The following HTR1F variants were observed in gnomAD, a reference collection of about 807,000 sequenced individuals.
The protein encoded by HTR1F is 5-hydroxytryptamine receptor 1F, also known as 5-hydroxytryptamine (serotonin) receptor 1F, G protein-coupled.
In HTR1F, 17 loss-of-function variants were observed where a neutral mutation model predicts 24.0. That is an observed-to-expected ratio of 0.71 (90% CI 0.48 to 1.06). The LOEUF (loss-of-function observed/expected upper bound fraction) is 1.06. HTR1F is among the 50% of genes least tolerant of loss of function. The pLI is 0.00. For synonymous variants in HTR1F, 186 were observed against 156.8 expected (o/e 1.19, Z -1.39); for missense variants, 391 against 427.8 (o/e 0.91, Z 0.76).
intron 2 of HTR1F, among the ~76,000 whole-genome samples, chr3:87,968,880 CT>C (rs111250671): frequency 5.9e-5 from 9 of 152,318 alleles, no homozygotes; most frequent in African/African-American, 1.2e-4. Context: ...AAGGGCCCCC[CT>C]GTTGTATGCA....
intron 2 of HTR1F, among the ~76,000 whole-genome samples, chr3:87,922,066 T>C (rs1208376524): frequency 6.6e-6 from 1 of 152,060 alleles, no homozygotes; most frequent in Non-Finnish European, 1.5e-5. Context: ...CTGGATCATA[T>C]GGTAGTTCTA....
chr3:87,991,928 C>G lies in HTR1F; in HGVS notation c.*78C>G. 1 of 1,262,832 alleles carries G rather than the reference C, an allele frequency of 7.9e-7. No homozygotes were observed. The highest frequency in any genetic ancestry group is 2.4e-5 in the East Asian group (1 of 41,940). The allele number at this position is 1,262,832 out of a possible 1,614,324, so 78.2% of individuals were successfully genotyped here. A position where few individuals can be genotyped will look rare whatever the true frequency, so the allele number is the denominator to read the frequency against. ...TAGATGAATGCCAAATAATAAAACA[C>G]TTAAGCTTTTAGAGGGAAATACATG... On this transcript the variant is annotated 3_prime_UTR_variant, in exon 3 of 3. Coordinates refer to ENST00000319595, the MANE Select transcript of HTR1F (RefSeq NM_001322209.2).
intron 2 of HTR1F, among the ~76,000 whole-genome samples, chr3:87,823,675 C>T (rs1261876144): frequency 6.6e-6 from 1 of 151,854 alleles, no homozygotes; most frequent in Admixed American, 6.6e-5. Context: ...GCGTGCACCA[C>T]CATGCCCGGC....
At chr3:87,833,605 G>A (rs1421614738) in intron 2 of HTR1F, among the ~76,000 whole-genome samples, 1 of 152,078 alleles carries the variant, frequency 6.6e-6, no homozygotes, top group Non-Finnish European at 1.5e-5. Flanking sequence ...GGGCTCAAGG[G>A]ATCCTGCTGA....
intron 2 of HTR1F, among the ~76,000 whole-genome samples, chr3:87,834,461 C>T (rs1704643523): frequency 6.6e-6 from 1 of 151,604 alleles, no homozygotes; most frequent in South Asian, 2.1e-4. Flanking sequence ...AAGCTATTTC[C>T]CATTAGTCTG....
chr3:87,987,458 C>A (rs1239802108), intron 2 of HTR1F, among the ~76,000 whole-genome samples: 3 of 151,336 alleles, frequency 2.0e-5, no homozygotes, highest in Non-Finnish European at 4.4e-5. Flanking sequence ...ACCATTACAT[C>A]ATAGGTCCTG....
chr3:87,855,523 A>C (rs1275415527), intron 2 of HTR1F, among the ~76,000 whole-genome samples: 1 of 151,996 alleles, frequency 6.6e-6, no homozygotes, highest in Non-Finnish European at 1.5e-5. Context: ...AAAGAGAATG[A>C]ATTTAATTTG....
At chr3:87,911,940 A>G (rs371467094) in intron 2 of HTR1F, among the ~76,000 whole-genome samples, 2 of 152,172 alleles carry the variant, frequency 1.3e-5, no homozygotes, top group East Asian at 3.9e-4. Flanking sequence ...AGCCATCTAT[A>G]ACAAACTGAC....
At chr3:87,914,942 T>C (rs753872240) in intron 2 of HTR1F, among the ~76,000 whole-genome samples, 12 of 152,044 alleles carry the variant, frequency 7.9e-5, no homozygotes, top group Non-Finnish European at 1.6e-4. Context: ...AGAGTCTATT[T>C]CACCCCCCTA....
intron 2 of HTR1F, among the ~76,000 whole-genome samples, chr3:87,931,394 C>T (rs1395119801): frequency 6.6e-6 from 1 of 152,152 alleles, no homozygotes; most frequent in African/African-American, 2.4e-5. Context: ...TTTCTTATGG[C>T]TGCATAGTAT....
At chr3:87,900,460 T>C (rs1706296554) in intron 2 of HTR1F, among the ~76,000 whole-genome samples, 2 of 152,120 alleles carry the variant, frequency 1.3e-5, no homozygotes, top group Non-Finnish European at 2.9e-5. Flanking sequence ...TTAAATAAGA[T>C]GGTAAGTAAT....
chr3:87,812,268 T>A (rs1704173535), intron 1 of HTR1F, among the ~76,000 whole-genome samples: 1 of 152,170 alleles, frequency 6.6e-6, no homozygotes, highest in Non-Finnish European at 1.5e-5. Flanking sequence ...AAAAATTCGA[T>A]CTTCCTAGGA....
intron 2 of HTR1F, among the ~76,000 whole-genome samples, chr3:87,944,838 G>T (rs926512204): frequency 9.2e-5 from 14 of 152,166 alleles, no homozygotes; most frequent in Admixed American, 7.9e-4. Context: ...GGGTTACGGG[G>T]TTAAAGATTT....
At chr3:87,872,849 C>T (rs1199969089) in intron 2 of HTR1F, among the ~76,000 whole-genome samples, 3 of 152,008 alleles carry the variant, frequency 2.0e-5, no homozygotes, top group Non-Finnish European at 4.4e-5. Flanking sequence ...CACAGGACAA[C>T]TCCGCCAAAC....
chr3:87,900,549 G>T (rs922208676), intron 2 of HTR1F, among the ~76,000 whole-genome samples: 4 of 152,164 alleles, frequency 2.6e-5, no homozygotes, highest in African/African-American at 9.7e-5. Flanking sequence ...CACGAAGGTG[G>T]TAAGGGTAGA....
intron 2 of HTR1F, among the ~76,000 whole-genome samples, chr3:87,885,178 T>A: frequency 6.6e-6 from 1 of 152,090 alleles, no homozygotes; most frequent in East Asian, 1.9e-4. Flanking sequence ...GAACTCAGGA[T>A]TAAGAAACTC....
chr3:87,844,586 G>T (rs1283211629), intron 2 of HTR1F, among the ~76,000 whole-genome samples: 4 of 124,238 alleles, frequency 3.2e-5, no homozygotes, highest in Non-Finnish European at 4.8e-5. Flanking sequence ...TGGTGTTTTA[G>T]ACATGAAGTC....
At chr3:87,949,635 C>T (rs1329083440) in intron 2 of HTR1F, among the ~76,000 whole-genome samples, 3 of 152,186 alleles carry the variant, frequency 2.0e-5, no homozygotes, top group Non-Finnish European at 4.4e-5. Flanking sequence ...CAGATCTTTG[C>T]CTTCTTACCA....
chr3:87,911,693 C>A (rs1337300566), intron 2 of HTR1F, among the ~76,000 whole-genome samples: 1 of 152,126 alleles, frequency 6.6e-6, no homozygotes, highest in Non-Finnish European at 1.5e-5. Flanking sequence ...TTGCATCCAA[C>A]AGCACATTGA....
Sources: allele counts gnomAD v4.1 joint callset (sites outside exome capture counted in the v4.1 genomes callset), GRCh38; gene constraint gnomAD v4.1.1; transcripts MANE v1.5; gene names NCBI Gene and HGNC (gene_info 2026-07-23, HGNC 2026-07-21).